The following KIF12 variants were observed in gnomAD, a reference collection of about 807,000 sequenced individuals.
The protein encoded by KIF12 is kinesin family member 12, also known as kinesin-like protein KIF12.
KIF12 carries 80 observed loss-of-function variants against 87.9 expected under a neutral mutation model. That is an observed-to-expected ratio of 0.91 (90% confidence interval 0.76 to 1.10). KIF12 has a LOEUF of 1.10. KIF12 is among the 50% of genes least tolerant of loss of function. The pLI, the probability that KIF12 is intolerant of heterozygous loss-of-function variation, is 0.00. For synonymous variants in KIF12, 353 were observed against 348.5 expected, an observed-to-expected ratio of 1.01 and a Z score of -0.14; for missense variants, 819 against 865.3, an observed-to-expected ratio of 0.95 and a Z score of 0.67.
At position 114,097,651 on chromosome 9, in the gene KIF12, G is replaced by C. The variant is rs769155849; in HGVS notation, c.466C>G (p.Pro156Ala). The C allele has an allele frequency of 3.7e-6, 6 of 1,613,878 alleles. No homozygotes were observed. The African/African-American group carries it at 6.7e-5, about 18-fold the overall frequency. Residue 156 changes from proline to alanine, a missense_variant, in exon 6 of 19, where the codon CCT (proline) becomes GCT (alanine). Transcript: ENST00000640217. ...LLDRVQHLGA[P>A]VTLRASYLEI... ...AGATAAGAGGCGCGAAGGGTGACAG[G>C]GGCACCCAGGTGCTGCACGCGGTCC...
rs752096306 is a variant in KIF12, at chr9:114,097,303, G to A, written c.644C>T (p.Thr215Met). The A allele has an allele frequency of 1.9e-6, 3 of 1,609,048 alleles. No individual in the cohort carries two copies. Among genetic ancestry groups the A allele is most frequent in the South Asian group, 1.1e-5 (1 of 90,066 alleles). Residue 215 changes from threonine (T) to methionine (M), a missense_variant and splice_region_variant, in exon 7 of 19, where the codon ACG becomes ATG. Coordinates refer to ENST00000640217, the MANE Select transcript of KIF12 (RefSeq NM_001388308.1). ...SLEALMELLQ[T>M]GLSRRRNSAH... is the part of the protein sequence containing the mutation. Reference sequence around the variant, plus strand: ...AACTCCCCGCTGTCAGCACACACCCGTTTGCAAAAGTTCCATCAGGGCCTC... The same window carrying A: ...AACTCCCCGCTGTCAGCACACACCCATTTGCAAAAGTTCCATCAGGGCCTC...
At chr9:114,092,739 C>T in intron 16 of KIF12, 97 bp from the exon 17 acceptor site, 2 of 1,508,926 alleles carry the variant, frequency 1.3e-6, no homozygotes, top group East Asian at 4.9e-5. Context: ...CCATGCCTAC[C>T]CCACAAGGTA....
chr9:114,092,272 G>A, intron 18 of KIF12, 61 bp downstream of exon 18: 3 of 1,493,144 alleles, frequency 2.0e-6, no homozygotes, highest in Admixed American at 2.3e-5. Context: ...CCTGGAGAGG[G>A]TGGGTTCTAC....
chr9:114,099,267 G>A lies in KIF12; in HGVS notation c.10C>T (p.Arg4Cys). Residue 4 changes from arginine (R) to cysteine (C), a missense_variant, in exon 1 of 19, where the codon CGC becomes TGC. Transcript: ENST00000640217. MEE[R>C]GSPDGDLARS... Reference sequence around the variant, plus strand: ...TCTGCTTACCCGTCGGGTGACCCGCGTTCTTCCATGTCCTGCTCTGCACAC... The same window carrying A: ...TCTGCTTACCCGTCGGGTGACCCGCATTCTTCCATGTCCTGCTCTGCACAC... 6.4e-7 allele frequency: 1 copy of A among 1,551,064 alleles called. No individual in the cohort carries two copies.
In KIF12 at chr9:114,091,806, A is replaced by T; in HGVS notation, c.*55T>A. The T allele has an allele frequency of 6.6e-7, 1 of 1,508,466 alleles. No homozygotes were observed. Among genetic ancestry groups the T allele is most frequent in the South Asian group, 1.3e-5 (1 of 76,688 alleles). The allele number at this position is 1,508,466 out of a possible 1,614,324, so 93.4% of individuals were successfully genotyped here. ...GCAGATGGGCAGACTGAAGCCCAAG[A>T]GTGTGGAGCCCAGTCTGAGGTCACA... On this transcript the variant is annotated 3_prime_UTR_variant, in exon 19 of 19. Coordinates refer to ENST00000640217, the MANE Select transcript of KIF12 (RefSeq NM_001388308.1).
intron 7 of KIF12, among the ~76,000 whole-genome samples, chr9:114,097,057 G>A (rs557918265): frequency 2.0e-5 from 3 of 152,326 alleles, no homozygotes; most frequent in East Asian, 1.9e-4. Context: ...GGCGGAGGCC[G>A]AGGCCCTGGG....
Position 114,099,174 on chromosome 9 carries a change from G to A in KIF12, c.27-5C>T, listed in dbSNP as rs752338562. The A allele has an allele frequency of 2.3e-5, 35 of 1,550,162 alleles. No individual in the cohort carries two copies. Among genetic ancestry groups the A allele is most frequent in the Non-Finnish European group, 3.1e-5 (35 of 1,147,040 alleles). ...TCCAGGCTCCGCGCGAGATCCCTGTGGGCAGCAATGCGACTTATCATACCT... is the reference window on the plus strand; with the variant it reads ...TCCAGGCTCCGCGCGAGATCCCTGTAGGCAGCAATGCGACTTATCATACCT... On this transcript the variant is annotated splice_polypyrimidine_tract_variant and splice_region_variant and intron_variant, in intron 1 of 18. Coordinates refer to ENST00000640217, the MANE Select transcript of KIF12 (RefSeq NM_001388308.1).
In KIF12 at chr9:114,097,432, C is replaced by T. The variant is rs868515679; in HGVS notation, c.515G>A (p.Arg172Gln). The T allele has an allele frequency of 6.3e-6, 10 of 1,590,608 alleles. No homozygotes were observed. The highest frequency in any genetic ancestry group is 3.4e-4 in the Middle Eastern group (2 of 5,938). Residue 172 changes from arginine to glutamine, a missense_variant, in exon 7 of 19, where the codon CGG (arginine) becomes CAG (glutamine). Transcript: ENST00000640217. Reference protein sequence around the residue: ...SYLEIYNEQVRDLLSLGSPRP... With the variant: ...SYLEIYNEQVQDLLSLGSPRP... ...GGGAGACCCCAGGCTCAGCAAGTCC[C>T]GAACCTGGGAGGGGAGGGAGGAGGG...
rs564040906 is a variant in KIF12 at position 114,096,394 on chromosome 9, C to T, written c.731G>A (p.Arg244His). Residue 244 changes from arginine (R) to histidine (H), a missense_variant, in exon 8 of 19, where the codon CGT becomes CAT. Coordinates refer to ENST00000640217, the MANE Select transcript of KIF12 (RefSeq NM_001388308.1). Reference protein sequence around the residue: ...SHALLTLYISRQTAQQMPSVD... With the variant: ...SHALLTLYISHQTAQQMPSVD... Reference sequence around the variant, plus strand: ...CCAGGCTGGAGCACTCACAGTTTGACGGCTGATGTAAAGGGTGAGCAGGGC... The same window carrying T: ...CCAGGCTGGAGCACTCACAGTTTGATGGCTGATGTAAAGGGTGAGCAGGGC... 2.0e-4 allele frequency: 316 copies of T among 1,612,670 alleles called. No homozygotes were observed. In the South Asian group the frequency reaches 2.6e-3, roughly 13 times the overall value.
intron 7 of KIF12, among the ~76,000 whole-genome samples, 158 bp downstream of exon 7, chr9:114,097,142 TG>T (rs1428178148): frequency 6.7e-6 from 1 of 149,852 alleles, no homozygotes; most frequent in Non-Finnish European, 1.5e-5. Flanking sequence ...GGGAGGCCCT[TG>T]GGCCATGCCT....
chr9:114,092,972 T>C (rs1310421824), intron 16 of KIF12: 2 of 1,383,604 alleles, frequency 1.4e-6, no homozygotes, highest in East Asian at 2.5e-5. Flanking sequence ...AGTAAATCCA[T>C]AAGTGAGTAG....
Position 114,091,922 on chromosome 9 carries a change from C to T in KIF12, c.1895G>A (p.Arg632His), listed in dbSNP as rs200697165. Residue 632 changes from arginine (R) to histidine (H), a missense_variant, in exon 19 of 19, where the codon CGC becomes CAC. By Grantham distance (29) the Arg-to-His change is conservative. Transcript: ENST00000640217. Reference protein sequence around the residue: ...DQIGSSLRRGRSQPPCSEGAR... With the variant: ...DQIGSSLRRGHSQPPCSEGAR... ...GCCCTCACTGCAGGGTGGCTGGCTG[C>T]GGCCACGTCGCAGGGAGCTGCCAAT... 21 of 1,612,590 alleles carry T rather than the reference C, an allele frequency of 1.3e-5. No individual in the cohort carries two copies. Among genetic ancestry groups the T allele is most frequent in the Admixed American group, 8.3e-5 (5 of 59,984 alleles).
rs138603268 is a variant in KIF12, at chr9:114,094,364, A to G, written c.1211T>C (p.Met404Thr). Reference sequence around the variant, plus strand: ...CAGGAAGCCCATACCCTTGCAGTCCATTTGGTCCAGCTGGAACTGCAGGCG... The same window carrying G: ...CAGGAAGCCCATACCCTTGCAGTCCGTTTGGTCCAGCTGGAACTGCAGGCG... ...NRRLQFQLDQ[M>T]DCKASGLSGA... Residue 404 changes from methionine (M) to threonine (T), a missense_variant, in exon 12 of 19, where the codon ATG becomes ACG. Met to Thr is a moderately conservative substitution (Grantham distance 81, BLOSUM62 -1). Coordinates refer to ENST00000640217, the MANE Select transcript of KIF12 (RefSeq NM_001388308.1). The G allele has an allele frequency of 1.5e-3, 2,413 of 1,613,430 alleles. 22 individuals are homozygous for G. The African/African-American group carries it at 0.029, about 19-fold the overall frequency.
At position 114,096,201 on chromosome 9, in the gene KIF12, G is replaced by A; in HGVS notation, c.745C>T (p.Gln249Ter). ...TCCCCAGGGTCCACAGAAGGCATCT[G>A]CTGGGCCTGAGGGATCAGAGCTTCA... is the stretch of plus-strand genomic sequence containing the variant. ...TLYISRQTAQ[Q>*]MPSVDPGEPP... The change falls in exon 9 of 19, where the codon CAG becomes TAG. Residue 249 changes from glutamine (Q) to a stop codon, truncating the protein, a stop_gained. Coordinates refer to ENST00000640217, the MANE Select transcript of KIF12 (RefSeq NM_001388308.1). LOFTEE classifies it high-confidence loss of function. 1 of 1,613,818 alleles carries A rather than the reference G, an allele frequency of 6.2e-7. No individual in the cohort carries two copies. Among genetic ancestry groups the A allele is most frequent in the Non-Finnish European group, 8.5e-7 (1 of 1,179,922 alleles).
intron 3 of KIF12, among the ~76,000 whole-genome samples, 170 bp from the exon 4 acceptor site, chr9:114,098,599 C>A (rs1297127932): frequency 1.1e-5 from 1 of 89,266 alleles, no homozygotes; most frequent in African/African-American, 4.5e-5. Context: ...ACTCGGTGGG[C>A]GAGCACCCTG....
Position 114,099,285 on chromosome 9 carries a change from C to G in KIF12, c.-9G>C, listed in dbSNP as rs1289396853. 1 of 1,551,062 alleles carries G rather than the reference C, an allele frequency of 6.4e-7. No individual in the cohort carries two copies. The highest frequency in any genetic ancestry group is 2.0e-5 in the Admixed American group (1 of 51,020). ...GACCCGCGTTCTTCCATGTCCTGCT[C>G]TGCACACGGAGTTAGCTCCGCCCGC... On this transcript the variant is annotated 5_prime_UTR_variant, in exon 1 of 19. Coordinates refer to ENST00000640217, the MANE Select transcript of KIF12 (RefSeq NM_001388308.1).
Position 114,093,317 on chromosome 9 carries a change from T to C in KIF12, c.1508A>G (p.Tyr503Cys), listed in dbSNP as rs1165882735. ...GCAGATGTGGCAGCAGGGGCAGGAGTAGAGGGGTGGCAGTGCCTGCAAAAA... is the reference window on the plus strand; with the variant it reads ...GCAGATGTGGCAGCAGGGGCAGGAGCAGAGGGGTGGCAGTGCCTGCAAAAA... ...APPCHALPPL[Y>C]SCPCCHICPL... Residue 503 changes from tyrosine to cysteine, a missense_variant, in exon 16 of 19, where the codon TAC (tyrosine) becomes TGC (cysteine). Tyr to Cys is a radical substitution (Grantham distance 194). Transcript: ENST00000640217. 3.2e-6 allele frequency: 5 copies of C among 1,557,966 alleles called. No individual in the cohort carries two copies. The South Asian group carries it at 5.9e-5, about 18-fold the overall frequency.
chr9:114,098,921 G>C lies in KIF12; in HGVS notation c.171+14C>G, dbSNP rs1293033832. The C allele has an allele frequency of 2.6e-6, 4 of 1,545,760 alleles. No individual in the cohort carries two copies. The East Asian group carries it at 9.8e-5, about 38-fold the overall frequency. ...GGATTTTTTATTGGGGAGATAGAGA[G>C]AGGGGTTCCTCACCTGCAGAGTCCG... On this transcript the variant is annotated intron_variant, in intron 3 of 18. Transcript: ENST00000640217.
At chr9:114,099,054 T>A in intron 2 of KIF12, 41 bp from the exon 3 acceptor site, 6 of 1,550,478 alleles carry the variant, frequency 3.9e-6, no homozygotes, top group Non-Finnish European at 5.2e-6. Flanking sequence ...TCCTGATGTC[T>A]TCCTCGATCC....
Sources: gnomAD v4.1 joint callset for allele counts (sites outside exome capture counted in the v4.1 genomes callset) on GRCh38, gnomAD v4.1.1 for gene constraint, MANE v1.5 for transcripts, NCBI Gene and HGNC (gene_info 2026-07-23, HGNC 2026-07-21) for gene names.